Variants in ZDHHC21 observed in about 807,000 individuals in gnomAD.
The protein encoded by ZDHHC21 is palmitoyltransferase ZDHHC21.
A neutral mutation model predicts 34.6 loss-of-function variants in ZDHHC21; 15 were observed. That is an observed-to-expected ratio of 0.43 (90% confidence interval 0.29 to 0.67). ZDHHC21 has a LOEUF of 0.67. Among genes scored for constraint, ZDHHC21 ranks in the 30% least tolerant of loss-of-function variants. The probability of loss-of-function intolerance (pLI) is 0.14; values close to 1 mark genes in which losing one functional copy is unlikely to be tolerated. For synonymous variants in ZDHHC21, 142 were observed against 101.8 expected, an observed-to-expected ratio of 1.40 and a Z score of -2.38; for missense variants, 344 against 327.7, an observed-to-expected ratio of 1.05 and a Z score of -0.38.
chr9:14,619,573 A>G (rs1383845924), intron 9 of ZDHHC21, 66 bp downstream of exon 9: 8 of 1,221,554 alleles, frequency 6.5e-6, no homozygotes, highest in African/African-American at 1.5e-5. Context: ...ATATGCACAT[A>G]TTTCTCAAGT....
the ZDHHC21 span, among the ~76,000 whole-genome samples, chr9:14,591,243 T>C: frequency 6.6e-6 from 1 of 152,154 alleles, no homozygotes. Flanking sequence ...TTCATGTTGA[T>C]ATATAATTCC....
rs1824427886 is a variant in ZDHHC21 at position 14,617,469 on chromosome 9, C to T, written c.*1497G>A. 6.6e-6 allele frequency: 1 copy of T among 151,894 alleles called. No homozygotes were observed. The highest frequency in any genetic ancestry group is 1.5e-5 in the Non-Finnish European group (1 of 67,908). The allele number at this position is 151,894 out of a possible 1,614,324, so 9.4% of individuals were successfully genotyped here. On this transcript the variant is annotated 3_prime_UTR_variant, in exon 10 of 10. Coordinates refer to ENST00000380916, the MANE Select transcript of ZDHHC21 (RefSeq NM_178566.6). ...ATAGCCAACTGGCTGACAATGGTAA[C>T]CTTCTGTTTAATTATTTCCCAGGTA...
intron 7 of ZDHHC21, among the ~76,000 whole-genome samples, chr9:14,650,250 T>C (rs544363491): frequency 6.6e-6 from 1 of 151,968 alleles, no homozygotes; most frequent in Admixed American, 6.6e-5. Flanking sequence ...CTGACATTAT[T>C]CTTTTCAAGC....
At chr9:14,664,783 G>C (rs1834101588) in intron 5 of ZDHHC21, among the ~76,000 whole-genome samples, 1 of 151,522 alleles carries the variant, frequency 6.6e-6, no homozygotes, top group Non-Finnish European at 1.5e-5. Flanking sequence ...CTGCAGCTGA[G>C]GGTCCTGTCT....
rs189941700 is a variant in ZDHHC21, at chr9:14,618,063, T to C, written c.*903A>G. On this transcript the variant is annotated 3_prime_UTR_variant, in exon 10 of 10. Transcript: ENST00000380916. ...TCTTTATACTGTACATTATATACTA[T>C]CTAGTTATACTAGCATTTTAAAAAC... The C allele has an allele frequency of 2.0e-5, 3 of 152,636 alleles. No individual in the cohort carries two copies. Among genetic ancestry groups the C allele is most frequent in the Admixed American group, 6.6e-5 (1 of 15,258 alleles). The allele number at this position is 152,636 out of a possible 1,614,324, so 9.5% of individuals were successfully genotyped here. A position where few individuals can be genotyped will look rare whatever the true frequency, so the allele number is the denominator to read the frequency against.
intron 8 of ZDHHC21, among the ~76,000 whole-genome samples, chr9:14,630,691 A>C (rs1255158178): frequency 1.3e-5 from 2 of 152,080 alleles, no homozygotes; most frequent in African/African-American, 4.8e-5. Flanking sequence ...TGAAATTACT[A>C]CTCCTTGATC....
chr9:14,592,635 A>G, the ZDHHC21 span, among the ~76,000 whole-genome samples: 1 of 152,180 alleles, frequency 6.6e-6, no homozygotes, highest in Non-Finnish European at 1.5e-5. Flanking sequence ...GTGAGGATAT[A>G]AAAGACTTCA....
chr9:14,663,655 T>C (rs987505012), intron 5 of ZDHHC21, among the ~76,000 whole-genome samples: 10 of 152,102 alleles, frequency 6.6e-5, no homozygotes, highest in African/African-American at 2.4e-4. Context: ...GGGAAAATAC[T>C]CCCACTACAG....
In ZDHHC21 at chr9:14,692,962, T is replaced by G. The variant is rs571898325; in HGVS notation, c.-225+267A>C. Among the ~76,000 whole-genome samples, 7 of 148,570 alleles carry G rather than the reference T, an allele frequency of 4.7e-5. No homozygotes were observed. In the South Asian group the frequency reaches 1.5e-3, roughly 33 times the overall value. On this transcript the variant is annotated intron_variant, in intron 1 of 9. Transcript: ENST00000380916. ...TAGAGCAGGAACCCCCCACCCCCAG[T>G]TGAGGGAGGAGCACTTAGCAAGGGG...
At chr9:14,624,372 C>T (rs547356457) in intron 8 of ZDHHC21, among the ~76,000 whole-genome samples, 2 of 151,928 alleles carry the variant, frequency 1.3e-5, no homozygotes, top group Non-Finnish European at 2.9e-5. Context: ...TGTCAGAGTC[C>T]CATGTTTATT....
At chr9:14,639,784 A>G in intron 8 of ZDHHC21, 112 bp downstream of exon 8, 1 of 569,756 alleles carries the variant, frequency 1.8e-6, no homozygotes, top group Non-Finnish European at 2.9e-6. Flanking sequence ...AGTATTAAAA[A>G]GCATGGGTAA....
intron 7 of ZDHHC21, among the ~76,000 whole-genome samples, chr9:14,644,423 G>T (rs1425187656): frequency 1.3e-5 from 2 of 151,948 alleles, no homozygotes; most frequent in African/African-American, 2.4e-5. Flanking sequence ...TGGTGATAGT[G>T]GGGGCATCAA....
At chr9:14,603,365 A>T in the ZDHHC21 span, among the ~76,000 whole-genome samples, 2 of 152,140 alleles carry the variant, frequency 1.3e-5, no homozygotes, top group Non-Finnish European at 2.9e-5. Flanking sequence ...TACAATTAGA[A>T]ATATATAGGT....
chr9:14,625,137 A>C (rs925761230), intron 8 of ZDHHC21, among the ~76,000 whole-genome samples: 1 of 152,054 alleles, frequency 6.6e-6, no homozygotes, highest in African/African-American at 2.4e-5. Flanking sequence ...CATACTGTAC[A>C]AAATGGTCAA....
the ZDHHC21 span, among the ~76,000 whole-genome samples, chr9:14,592,244 C>G: frequency 6.6e-6 from 1 of 152,006 alleles, no homozygotes; most frequent in Non-Finnish European, 1.5e-5. Context: ...ATTAGAATGT[C>G]CATTGTAACT....
At chr9:14,692,077 T>G (rs1343889901) in intron 1 of ZDHHC21, among the ~76,000 whole-genome samples, 1 of 152,224 alleles carries the variant, frequency 6.6e-6, no homozygotes, top group East Asian at 1.9e-4. Flanking sequence ...TTCTTTCCAG[T>G]GGATTTCTCA....
At chr9:14,671,642 G>A (rs1437861900) in intron 5 of ZDHHC21, among the ~76,000 whole-genome samples, 1 of 151,952 alleles carries the variant, frequency 6.6e-6, no homozygotes, top group Non-Finnish European at 1.5e-5. Flanking sequence ...GTAATGCTAT[G>A]TCAAAAAACA....
At chr9:14,647,740 A>G (rs1830515803) in intron 7 of ZDHHC21, among the ~76,000 whole-genome samples, 1 of 152,064 alleles carries the variant, frequency 6.6e-6, no homozygotes, top group Non-Finnish European at 1.5e-5. Context: ...CTGCAGTCTT[A>G]GTCACCTTTC....
intron 2 of ZDHHC21, among the ~76,000 whole-genome samples, chr9:14,687,198 C>G (rs753060811): frequency 2.7e-5 from 4 of 150,600 alleles, no homozygotes; most frequent in Non-Finnish European, 5.9e-5. Context: ...ATAGCACAGG[C>G]CAATCACCCA....
Sources: allele counts gnomAD v4.1 joint callset (sites outside exome capture counted in the v4.1 genomes callset), GRCh38; gene constraint gnomAD v4.1.1; transcripts MANE v1.5; gene names NCBI Gene and HGNC (gene_info 2026-07-23, HGNC 2026-07-21).